The following FBRSL1 variants were observed in gnomAD, a reference collection of about 807,000 sequenced individuals.
FBRSL1 encodes the protein fibrosin-1-like protein.
FBRSL1 carries 51 observed loss-of-function variants against 89.6 expected under a neutral mutation model. The observed-to-expected ratio is 0.57, with a 90% CI of 0.45 to 0.72. FBRSL1 has a LOEUF of 0.72. Among genes scored for constraint, FBRSL1 ranks in the 30% least tolerant of loss-of-function variants. FBRSL1 has a pLI of 0.00. For missense variants in FBRSL1, 1,618 were observed against 1,451.8 expected, an observed-to-expected ratio of 1.11 and a Z score of -1.86; for synonymous variants, 779 against 681.1, an observed-to-expected ratio of 1.14 and a Z score of -2.24.
intron 1 of FBRSL1, among the ~76,000 whole-genome samples, chr12:132,497,729 C>T (rs2032277478): frequency 6.6e-6 from 1 of 152,208 alleles, no homozygotes; most frequent in South Asian, 2.1e-4. Context: ...CTGAGGCAAC[C>T]CCGGGCTGGG....
chr12:132,523,856 G>A (rs968591524), intron 2 of FBRSL1, among the ~76,000 whole-genome samples: 4 of 152,202 alleles, frequency 2.6e-5, no homozygotes, highest in Admixed American at 6.5e-5. Context: ...AGTGGGACAC[G>A]TGGCTTCCTG....
chr12:132,541,667 G>A (rs991906321), intron 4 of FBRSL1, among the ~76,000 whole-genome samples: 3 of 152,358 alleles, frequency 2.0e-5, no homozygotes, highest in Admixed American at 6.5e-5. Context: ...AGCTCAACTC[G>A]AAATCTCCCC....
At position 132,582,999 on chromosome 12, in the gene FBRSL1, A is replaced by G; in HGVS notation, c.2230A>G (p.Ser744Gly). 1 of 1,452,612 alleles carries G rather than the reference A, an allele frequency of 6.9e-7. No homozygotes were observed. The highest frequency in any genetic ancestry group is 9.0e-7 in the Non-Finnish European group (1 of 1,109,988). 90.0% of individuals were successfully genotyped at this position (1,452,612 alleles called of 1,614,324 possible). A position where few individuals can be genotyped will look rare whatever the true frequency, so the allele number is the denominator to read the frequency against. ...CCTCCTGGAGAAGACGCGCCTGCTG[A>G]GCCGGGCCTCGCCCGCCACCCCCGC... ...RDLLEKTRLL[S>G]RASPATPAGH... Residue 744 changes from serine (S) to glycine (G), a missense_variant, in exon 19 of 19, where the codon AGC becomes GGC. Physicochemically the swap from Ser to Gly is moderately conservative, Grantham distance 56. Coordinates refer to ENST00000680143, the MANE Select transcript of FBRSL1 (RefSeq NM_001367871.1).
chr12:132,490,386 C>A lies in FBRSL1; in HGVS notation c.-185C>A. ...GCCGGGGGTCCCAGGCCGCGCCGGGCCCGGGGCTGAGCCGCCCCCCGCGCC... is the reference window on the plus strand; with the variant it reads ...GCCGGGGGTCCCAGGCCGCGCCGGGACCGGGGCTGAGCCGCCCCCCGCGCC... On this transcript the variant is annotated 5_prime_UTR_variant, in exon 1 of 19. Transcript: ENST00000680143. 4.7e-6 allele frequency: 1 copy of A among 212,716 alleles called. No homozygotes were observed. The highest frequency in any genetic ancestry group is 6.8e-5 in the Admixed American group (1 of 14,638). The allele number at this position is 212,716 out of a possible 1,614,324, so 13.2% of individuals were successfully genotyped here. A position where few individuals can be genotyped will look rare whatever the true frequency, so the allele number is the denominator to read the frequency against.
At chr12:132,494,823 C>G (rs2031721818) in intron 1 of FBRSL1, among the ~76,000 whole-genome samples, 1 of 152,204 alleles carries the variant, frequency 6.6e-6, no homozygotes, top group Admixed American at 6.5e-5. Context: ...AGGAAAGCAC[C>G]CAGCCTCCTG....
intron 15 of FBRSL1, chr12:132,580,882 C>G (rs1380528370): frequency 6.1e-6 from 6 of 984,700 alleles, no homozygotes; most frequent in Non-Finnish European, 7.2e-6. Flanking sequence ...GGCCCGGGCC[C>G]AGGCCCCACA....
intron 2 of FBRSL1, among the ~76,000 whole-genome samples, chr12:132,512,310 T>C (rs1340060825): frequency 6.6e-6 from 1 of 152,232 alleles, no homozygotes; most frequent in Non-Finnish European, 1.5e-5. Flanking sequence ...GTCCTCTGCA[T>C]GGCCTGGGCA....
intron 11 of FBRSL1, among the ~76,000 whole-genome samples, chr12:132,573,518 G>A (rs116072613): frequency 1.3e-5 from 2 of 152,132 alleles, no homozygotes; most frequent in East Asian, 3.9e-4. Flanking sequence ...ACTGGGACTC[G>A]GGGGTACTGC....
chr12:132,583,423 A>C lies in FBRSL1; in HGVS notation c.2654A>C (p.Tyr885Ser). The C allele has an allele frequency of 1.9e-6, 2 of 1,070,716 alleles. No homozygotes were observed. Among genetic ancestry groups the C allele is most frequent in the African/African-American group, 1.8e-5 (1 of 55,270 alleles). The allele number at this position is 1,070,716 out of a possible 1,614,324, so 66.3% of individuals were successfully genotyped here. A position where few individuals can be genotyped will look rare whatever the true frequency, so the allele number is the denominator to read the frequency against. Residue 885 changes from tyrosine to serine, a missense_variant, in exon 19 of 19, where the codon TAC becomes TCC. Tyr to Ser is a moderately radical substitution (Grantham distance 144, BLOSUM62 -2). Coordinates refer to ENST00000680143, the MANE Select transcript of FBRSL1 (RefSeq NM_001367871.1). ...AALLEPPERPYRDREPHGYSP... is the reference protein window; with the variant it reads ...AALLEPPERPSRDREPHGYSP... ...CTCTTGGAGCCCCCGGAGCGCCCCTACCGCGACCGCGAGCCCCACGGCTAC... is the reference window on the plus strand; with the variant it reads ...CTCTTGGAGCCCCCGGAGCGCCCCTCCCGCGACCGCGAGCCCCACGGCTAC...
intron 2 of FBRSL1, among the ~76,000 whole-genome samples, chr12:132,519,716 C>T (rs2035176072): frequency 6.6e-6 from 1 of 152,158 alleles, no homozygotes; most frequent in Non-Finnish European, 1.5e-5. Context: ...CAAGACCAGT[C>T]TGGCCAAGAT....
chr12:132,564,331 C>T (rs997582105), intron 5 of FBRSL1, among the ~76,000 whole-genome samples: 1 of 152,170 alleles, frequency 6.6e-6, no homozygotes, highest in Admixed American at 6.5e-5. Flanking sequence ...CAGTGAGGAC[C>T]TAGTAATCCA....
intron 4 of FBRSL1, among the ~76,000 whole-genome samples, chr12:132,544,654 G>A (rs549100387): frequency 2.0e-5 from 3 of 152,118 alleles, no homozygotes; most frequent in South Asian, 2.1e-4. Context: ...ACGTGAGGAC[G>A]GCGATACTGA....
chr12:132,509,089 C>G (rs2034029232), intron 2 of FBRSL1: 1 of 1,195,890 alleles, frequency 8.4e-7, no homozygotes, highest in Admixed American at 4.3e-5. Flanking sequence ...CAGCATGCCT[C>G]CTGGGCCCGG....
chr12:132,512,947 G>T (rs1045530839), intron 2 of FBRSL1, among the ~76,000 whole-genome samples: 7 of 152,228 alleles, frequency 4.6e-5, no homozygotes, highest in Non-Finnish European at 7.3e-5. Context: ...ACTGGCTTGC[G>T]GTCGGGGTGC....
At chr12:132,509,520 C>A in intron 2 of FBRSL1, 8 of 1,235,710 alleles carry the variant, frequency 6.5e-6, no homozygotes, top group Non-Finnish European at 8.1e-6. Context: ...GCATTGGGCA[C>A]TCCCAGGCCC....
At chr12:132,579,591 C>T (rs1414298848) in intron 15 of FBRSL1, among the ~76,000 whole-genome samples, 1 of 152,166 alleles carries the variant, frequency 6.6e-6, no homozygotes, top group Non-Finnish European at 1.5e-5. Flanking sequence ...AAAGTCATAT[C>T]TAGGAGTGGG....
chr12:132,558,881 C>T (rs1231381446), intron 5 of FBRSL1, among the ~76,000 whole-genome samples: 1 of 152,250 alleles, frequency 6.6e-6, no homozygotes, highest in Non-Finnish European at 1.5e-5. Flanking sequence ...CAGAGCCGGC[C>T]TCCCTGTGTG....
At chr12:132,511,949 A>G in intron 2 of FBRSL1, 1 of 985,396 alleles carries the variant, frequency 1.0e-6, no homozygotes, top group South Asian at 4.7e-5. Flanking sequence ...TATTTTTTAT[A>G]ACAGCATCAG....
At position 132,582,289 on chromosome 12, in the gene FBRSL1, A is replaced by T. The variant is rs922676914; in HGVS notation, c.2201+23A>T. On this transcript the variant is annotated intron_variant, in intron 18 of 18. Transcript: ENST00000680143. ...ACGGTGAGTGGCCCTCTTGTTCCGT[A>T]TCCCCACCACACACCCCTACCCCGT... 8 of 1,542,762 alleles carry T rather than the reference A, an allele frequency of 5.2e-6. No individual in the cohort carries two copies. The African/African-American group carries it at 9.6e-5, about 19-fold the overall frequency.
Sources: gnomAD v4.1 joint callset for allele counts (sites outside exome capture counted in the v4.1 genomes callset) on GRCh38, gnomAD v4.1.1 for gene constraint, MANE v1.5 for transcripts, NCBI Gene and HGNC (gene_info 2026-07-23, HGNC 2026-07-21) for gene names.